HS6ST3: variants seen among roughly 807,000 people sequenced by gnomAD.
HS6ST3 encodes the protein heparan sulfate 6-O-sulfotransferase 3.
Under a neutral mutation model 36.7 loss-of-function variants are expected in HS6ST3, and 12 were observed. That is an observed-to-expected ratio of 0.33 (90% CI 0.21 to 0.53). The LOEUF (loss-of-function observed/expected upper bound fraction) is 0.53. Ranked by LOEUF, HS6ST3 falls within the 20% of genes least tolerant of loss-of-function variation. The pLI is 0.95. For missense variants in HS6ST3, 584 were observed against 640.9 expected (o/e 0.91, Z 0.96); for synonymous variants, 240 against 257.5 (o/e 0.93, Z 0.65).
chr13:96,743,592 G>C (rs1258950187), intron 1 of HS6ST3, among the ~76,000 whole-genome samples: 2 of 152,026 alleles, frequency 1.3e-5, no homozygotes, highest in Non-Finnish European at 2.9e-5. Flanking sequence ...TTTGAAGTGA[G>C]GAAATGGGGG....
chr13:96,773,386 A>G (rs948740240), intron 1 of HS6ST3, among the ~76,000 whole-genome samples: 1 of 148,004 alleles, frequency 6.8e-6, no homozygotes, highest in Non-Finnish European at 1.5e-5. Context: ...TGGGCCCCCT[A>G]TGGAGCCCCC....
At chr13:96,438,778 G>A (rs1248117197) in intron 1 of HS6ST3, among the ~76,000 whole-genome samples, 1 of 152,128 alleles carries the variant, frequency 6.6e-6, no homozygotes, top group Non-Finnish European at 1.5e-5. Flanking sequence ...AAAATATTAT[G>A]GTTATGGCTG....
intron 1 of HS6ST3, among the ~76,000 whole-genome samples, chr13:96,730,895 A>G (rs1306378182): frequency 2.6e-5 from 4 of 152,094 alleles, no homozygotes; most frequent in Non-Finnish European, 5.9e-5. Flanking sequence ...CCAGACTCAG[A>G]GAATTTTTTA....
At position 96,308,681 on chromosome 13, in the gene HS6ST3, T is replaced by A. The variant is rs562719204; in HGVS notation, c.707+217112T>A. Among the ~76,000 whole-genome samples the A allele has an allele frequency of 3.6e-4, 55 of 152,270 alleles. No homozygotes were observed. The South Asian group carries it at 0.011, about 30-fold the overall frequency. On this transcript the variant is annotated intron_variant, in intron 1 of 1. Coordinates refer to ENST00000376705, the MANE Select transcript of HS6ST3 (RefSeq NM_153456.4). ...TCCTTATTCCTTTCTTCCTGTATGC[T>A]CTTAAGTCTGGTATTCAGCAAGAAC...
intron 1 of HS6ST3, among the ~76,000 whole-genome samples, chr13:96,617,198 T>C (rs1004148906): frequency 3.3e-5 from 5 of 152,228 alleles, no homozygotes; most frequent in African/African-American, 7.2e-5. Context: ...ATGTAAGTAT[T>C]GTAAAATACA....
intron 1 of HS6ST3, among the ~76,000 whole-genome samples, chr13:96,321,683 T>C (rs920715752): frequency 1.3e-5 from 2 of 152,258 alleles, no homozygotes; most frequent in Admixed American, 6.5e-5. Flanking sequence ...GCCCCTCTCT[T>C]GCCCTTTCCC....
chr13:96,324,500 A>G (rs1379996668), intron 1 of HS6ST3, among the ~76,000 whole-genome samples: 1 of 152,228 alleles, frequency 6.6e-6, no homozygotes, highest in African/African-American at 2.4e-5. Flanking sequence ...GTGAGAATTC[A>G]TGATATTTAG....
chr13:96,744,973 T>C lies in HS6ST3; in HGVS notation c.708-87517T>C, dbSNP rs369361810. Among the ~76,000 whole-genome samples the C allele has an allele frequency of 6.6e-5, 10 of 152,242 alleles. No individual in the cohort carries two copies. In the East Asian group the frequency reaches 1.2e-3, roughly 18 times the overall value. ...TTTTTGTCAGTTTCACAGAGGAATC[T>C]AGTTTCTTACTGATCAAATATCTTA... On this transcript the variant is annotated intron_variant, in intron 1 of 1. Coordinates refer to ENST00000376705, the MANE Select transcript of HS6ST3 (RefSeq NM_153456.4).
At chr13:96,167,098 C>T (rs2054164622) in intron 1 of HS6ST3, among the ~76,000 whole-genome samples, 1 of 152,074 alleles carries the variant, frequency 6.6e-6, no homozygotes, top group Non-Finnish European at 1.5e-5. Context: ...TCTTTATTAG[C>T]AGTGTGAGAA....
At chr13:96,476,929 A>T (rs996115065) in intron 1 of HS6ST3, among the ~76,000 whole-genome samples, 1 of 152,224 alleles carries the variant, frequency 6.6e-6, no homozygotes, top group Non-Finnish European at 1.5e-5. Flanking sequence ...AGTTGAAATC[A>T]ATTGTAAGGA....
chr13:96,307,826 C>T (rs1178883260), intron 1 of HS6ST3, among the ~76,000 whole-genome samples: 1 of 151,978 alleles, frequency 6.6e-6, no homozygotes, highest in African/African-American at 2.4e-5. Context: ...CAGCTCTCCA[C>T]GATGAGAGGG....
chr13:96,194,392 G>A (rs1303175602), intron 1 of HS6ST3, among the ~76,000 whole-genome samples: 2 of 151,980 alleles, frequency 1.3e-5, no homozygotes, highest in Non-Finnish European at 2.9e-5. Context: ...AGGGAAGTAT[G>A]GAGGTCTCTA....
chr13:96,579,880 A>C (rs1192816313), intron 1 of HS6ST3, among the ~76,000 whole-genome samples: 1 of 152,152 alleles, frequency 6.6e-6, no homozygotes, highest in Non-Finnish European at 1.5e-5. Context: ...GTATGATTCT[A>C]TGCAAATGAT....
At chr13:96,677,252 A>G (rs1273903145) in intron 1 of HS6ST3, among the ~76,000 whole-genome samples, 1 of 152,132 alleles carries the variant, frequency 6.6e-6, no homozygotes, top group Non-Finnish European at 1.5e-5. Context: ...TTTCTCTGCC[A>G]ATAAAGATGA....
At chr13:96,098,580 G>A (rs1179020600) in intron 1 of HS6ST3, among the ~76,000 whole-genome samples, 1 of 152,124 alleles carries the variant, frequency 6.6e-6, no homozygotes, top group Non-Finnish European at 1.5e-5. Context: ...CAGAACTCTG[G>A]GAGGCCAGGG....
intron 1 of HS6ST3, among the ~76,000 whole-genome samples, chr13:96,482,222 A>AG (rs2055893211): frequency 6.6e-6 from 1 of 152,120 alleles, no homozygotes; most frequent in African/African-American, 2.4e-5. Context: ...CTAGTTACCT[A>AG]TGACACTGAT....
At chr13:96,519,848 T>G (rs1461961956) in intron 1 of HS6ST3, among the ~76,000 whole-genome samples, 2 of 152,230 alleles carry the variant, frequency 1.3e-5, no homozygotes, top group African/African-American at 2.4e-5. Context: ...TAATGCTAAA[T>G]TATAGGTATA....
At chr13:96,303,116 G>C (rs1250638459) in intron 1 of HS6ST3, among the ~76,000 whole-genome samples, 2 of 152,144 alleles carry the variant, frequency 1.3e-5, no homozygotes, top group African/African-American at 4.8e-5. Context: ...CTAGAGTATT[G>C]AATTGGAAGT....
intron 1 of HS6ST3, among the ~76,000 whole-genome samples, chr13:96,334,719 G>T (rs2055091216): frequency 6.6e-6 from 1 of 152,064 alleles, no homozygotes; most frequent in East Asian, 1.9e-4. Context: ...CACAAAAACA[G>T]TATGGGGGAA....
Sources: allele counts gnomAD v4.1 joint callset (sites outside exome capture counted in the v4.1 genomes callset), GRCh38; gene constraint gnomAD v4.1.1; transcripts MANE v1.5; gene names NCBI Gene and HGNC (gene_info 2026-07-23, HGNC 2026-07-21).